PARVG: variants seen among roughly 807,000 people sequenced by gnomAD.
PARVG encodes gamma-parvin.
PARVG carries 36 observed loss-of-function variants against 44.4 expected under a neutral mutation model. The observed-to-expected ratio is 0.81, with a 90% CI of 0.62 to 1.07. The LOEUF (loss-of-function observed/expected upper bound fraction) is 1.07. Ranked by LOEUF, PARVG falls within the 50% of genes least tolerant of loss-of-function variation. The pLI is 0.00. For synonymous variants in PARVG, 170 were observed against 174.1 expected (o/e 0.98, Z 0.19); for missense variants, 407 against 407.4 (o/e 1.00, Z 0.01).
At chr22:44,198,963 C>CATCT (rs2054664960) in intron 12 of PARVG, among the ~76,000 whole-genome samples, 1 of 136,426 alleles carries the variant, frequency 7.3e-6, no homozygotes, top group African/African-American at 2.9e-5. Context: ...TCCATCCATC[C>CATCT]ATCCATCCAT....
chr22:44,187,013 G>A lies in PARVG; in HGVS notation c.145-763G>A, dbSNP rs112147288. ...AGCACAGCAGAGTGGGGACAGTTTC[G>A]AGCAGAGCTGCAGGTGGGAGCTGGG... is the stretch of plus-strand genomic sequence containing the variant. On this transcript the variant is annotated intron_variant, in intron 4 of 13. Coordinates refer to ENST00000444313, the MANE Select transcript of PARVG (RefSeq NM_022141.7). 3.1e-3 allele frequency: 782 copies of A among 249,598 alleles called. 3 individuals are homozygous for A. Among genetic ancestry groups the A allele is most frequent in the African/African-American group, 0.015 (696 of 45,596 alleles). The allele number at this position is 249,598 out of a possible 1,614,324, so 15.5% of individuals were successfully genotyped here. A position where few individuals can be genotyped will look rare whatever the true frequency, so the allele number is the denominator to read the frequency against.
rs2054536003 is a variant in PARVG at position 44,190,673 on chromosome 22, G to A, written c.504+7G>A. 1.2e-6 allele frequency: 2 copies of A among 1,600,490 alleles called. No individual in the cohort carries two copies. Among genetic ancestry groups the A allele is most frequent in the African/African-American group, 1.3e-5 (1 of 74,674 alleles). ...GGAGGTCATCACTATCGAGGTAGCA[G>A]CCTGGGCCCCAGGGATTTGTAAGCA... On this transcript the variant is annotated splice_region_variant and intron_variant, in intron 7 of 13. Coordinates refer to ENST00000444313, the MANE Select transcript of PARVG (RefSeq NM_022141.7).
chr22:44,206,498 C>A lies in PARVG; in HGVS notation c.*72C>A. ...AGGGCCCGAGGCTGCAGGGTGTCCT[C>A]CCACAGTCCCGCTGTTTCCTGTGCA... is the stretch of plus-strand genomic sequence containing the variant. On this transcript the variant is annotated 3_prime_UTR_variant, in exon 14 of 14. Coordinates refer to ENST00000444313, the MANE Select transcript of PARVG (RefSeq NM_022141.7). The A allele has an allele frequency of 7.5e-7, 1 of 1,336,240 alleles. No homozygotes were observed. Among genetic ancestry groups the A allele is most frequent in the Non-Finnish European group, 1.1e-6 (1 of 930,344 alleles). The allele number at this position is 1,336,240 out of a possible 1,614,324, so 82.8% of individuals were successfully genotyped here.
intron 12 of PARVG, among the ~76,000 whole-genome samples, chr22:44,201,267 C>T (rs551211827): frequency 5.9e-5 from 9 of 152,322 alleles, no homozygotes; most frequent in African/African-American, 2.2e-4. Context: ...TCCTGGCCCT[C>T]TCCCCACTCA....
chr22:44,192,559 G>T (rs187214570), intron 8 of PARVG, among the ~76,000 whole-genome samples: 40 of 151,796 alleles, frequency 2.6e-4, no homozygotes, highest in Non-Finnish European at 5.3e-4. Context: ...CCCACTGGGG[G>T]GTGTGGCCAT....
At chr22:44,198,924 A>C in intron 12 of PARVG, among the ~76,000 whole-genome samples, 1 of 63,130 alleles carries the variant, frequency 1.6e-5, no homozygotes, top group Non-Finnish European at 3.6e-5. Flanking sequence ...CCATCCATCT[A>C]CCCATCCATC....
At chr22:44,202,954 G>A (rs1240183661) in intron 12 of PARVG, among the ~76,000 whole-genome samples, 1 of 152,116 alleles carries the variant, frequency 6.6e-6, no homozygotes, top group South Asian at 2.1e-4. Flanking sequence ...GTATCCTCCC[G>A]GGTTGTAACC....
chr22:44,183,108 G>A, intron 2 of PARVG: 1 of 526,600 alleles, frequency 1.9e-6, no homozygotes, highest in South Asian at 2.7e-5. Context: ...CTCAGCTTCT[G>A]TGCCTTTTTC....
In PARVG at chr22:44,188,282, C is replaced by T. The variant is rs541933569; in HGVS notation, c.247+404C>T. On this transcript the variant is annotated intron_variant, in intron 5 of 13. Transcript: ENST00000444313. ...GGGGGCAGGGCTGGGCTCCTGTCTC[C>T]GTGTTCCTCCTCAGTCTGGAAAGCT... 2.4e-5 allele frequency: 5 copies of T among 205,308 alleles called. No individual in the cohort carries two copies. The East Asian group carries it at 4.6e-4, about 19-fold the overall frequency. 12.7% of individuals were successfully genotyped at this position (205,308 alleles called of 1,614,324 possible).
intron 12 of PARVG, among the ~76,000 whole-genome samples, chr22:44,202,777 C>T (rs2054726753): frequency 6.6e-6 from 1 of 152,220 alleles, no homozygotes; most frequent in South Asian, 2.1e-4. Flanking sequence ...TTCTCATTAT[C>T]AGACCCTCTT....
chr22:44,191,413 T>C (rs2147228500), intron 7 of PARVG, among the ~76,000 whole-genome samples: 1 of 144,880 alleles, frequency 6.9e-6, no homozygotes, highest in East Asian at 2.0e-4. Context: ...TTTTTTTTTT[T>C]TTGAGATGGC....
At chr22:44,181,504 C>G in intron 1 of PARVG, 1 of 699,396 alleles carries the variant, frequency 1.4e-6, no homozygotes, top group Non-Finnish European at 1.8e-6. Context: ...TTGCGGGGGT[C>G]GACCCCAGGC....
intron 13 of PARVG, 36 bp downstream of exon 13, chr22:44,205,865 C>T: frequency 1.2e-6 from 2 of 1,605,434 alleles, no homozygotes; most frequent in Non-Finnish European, 1.7e-6. Flanking sequence ...GGTGGCCAGC[C>T]CTGGGTGGCA....
rs540473619 is a variant in PARVG at position 44,203,545 on chromosome 22, G to A, written c.814-2212G>A. 2.8e-4 allele frequency among the ~76,000 whole-genome samples: 42 copies of A among 152,272 alleles called. 1 individual carries two copies. Among genetic ancestry groups the A allele is most frequent in the Admixed American group, 2.5e-3 (38 of 15,292 alleles). The stretch of plus-strand genomic sequence containing the variant: ...CTGGCTCGCTGAATGTATCAAAGGC[G>A]GAGCTTTGAGGCAGGAGAGCACAGT... On this transcript the variant is annotated intron_variant, in intron 12 of 13. Transcript: ENST00000444313.
chr22:44,193,493 G>A lies in PARVG; in HGVS notation c.561-308G>A, dbSNP rs114428461. ...TAAAACGCACAAGCTGTGAGCTTACGATTTGTGCACTTTATGATGTGTGTG... is the reference window on the plus strand; with the variant it reads ...TAAAACGCACAAGCTGTGAGCTTACAATTTGTGCACTTTATGATGTGTGTG... On this transcript the variant is annotated intron_variant, in intron 8 of 13. Coordinates refer to ENST00000444313, the MANE Select transcript of PARVG (RefSeq NM_022141.7). 5.3e-3 allele frequency among the ~76,000 whole-genome samples: 814 copies of A among 152,276 alleles called. 3 individuals carry two copies. Among genetic ancestry groups the A allele is most frequent in the African/African-American group, 0.018 (752 of 41,540 alleles).
chr22:44,199,295 A>C (rs1055321689), intron 12 of PARVG, among the ~76,000 whole-genome samples: 5 of 151,764 alleles, frequency 3.3e-5, no homozygotes, highest in Admixed American at 3.3e-4. Flanking sequence ...TCATTCATCC[A>C]TCCACTTGCC....
At chr22:44,190,496 G>T in intron 6 of PARVG, 55 bp from the exon 7 acceptor site, 1 of 1,333,952 alleles carries the variant, frequency 7.5e-7, no homozygotes, top group Non-Finnish European at 1.1e-6. Flanking sequence ...GCCTCCATTT[G>T]GCTGCACGTT....
intron 8 of PARVG, 88 bp downstream of exon 8, chr22:44,192,192 C>T: frequency 6.8e-7 from 1 of 1,465,508 alleles, no homozygotes; most frequent in South Asian, 1.2e-5. Flanking sequence ...ATCTGCCTGA[C>T]CTTTGTGGGA....
At chr22:44,205,637 A>G (rs915734472) in intron 12 of PARVG, 120 bp from the exon 13 acceptor site, 11 of 1,179,436 alleles carry the variant, frequency 9.3e-6, no homozygotes, top group African/African-American at 1.5e-5. Flanking sequence ...CCCACCTTGG[A>G]TGGGAGTTTA....
Sources: gnomAD v4.1 joint callset for allele counts (sites outside exome capture counted in the v4.1 genomes callset) on GRCh38, gnomAD v4.1.1 for gene constraint, MANE v1.5 for transcripts, NCBI Gene and HGNC (gene_info 2026-07-23, HGNC 2026-07-21) for gene names.